The following CSMD1 variants were observed in gnomAD, a reference collection of about 807,000 sequenced individuals.
CSMD1 encodes CUB and Sushi multiple domains 1.
CSMD1 carries 213 observed loss-of-function variants against 417.5 expected under a neutral mutation model. The ratio of observed to expected loss-of-function variants is 0.51; its 90% CI spans 0.46 to 0.57. The LOEUF (loss-of-function observed/expected upper bound fraction) is 0.57. Among genes scored for constraint, CSMD1 ranks in the 20% least tolerant of loss-of-function variants. CSMD1 has a pLI of 0.00. For missense variants in CSMD1, 6,923 were observed against 4,529.7 expected (o/e 1.53, Z -15.17); for synonymous variants, 2,862 against 1,736.8 (o/e 1.65, Z -16.11).
At chr8:3,818,375 T>G (rs1801516401) in intron 5 of CSMD1, among the ~76,000 whole-genome samples, 1 of 152,112 alleles carries the variant, frequency 6.6e-6, no homozygotes. Flanking sequence ...TCTCCAAATG[T>G]TTACTCTTGG....
At position 3,297,147 on chromosome 8, in the gene CSMD1, T is replaced by G. The variant is rs76120178; in HGVS notation, c.3950+10548A>C. On this transcript the variant is annotated intron_variant, in intron 25 of 69. Coordinates refer to ENST00000635120, the MANE Select transcript of CSMD1 (RefSeq NM_033225.6). ...TGTGCAGGACTTTCACCCAGAAAAC[T>G]GCAAAACATCATTGAGACAAATCAT... 1.1e-3 allele frequency among the ~76,000 whole-genome samples: 174 copies of G among 152,248 alleles called. 1 individual carries two copies. Among genetic ancestry groups the G allele is most frequent in the African/African-American group, 4.1e-3 (169 of 41,562 alleles).
At chr8:4,642,139 G>A (rs1336429115) in intron 1 of CSMD1, among the ~76,000 whole-genome samples, 1 of 152,206 alleles carries the variant, frequency 6.6e-6, no homozygotes, top group Non-Finnish European at 1.5e-5. Context: ...TCTGCAAGAT[G>A]GGCAAGTGCT....
chr8:4,058,284 C>A (rs1798800934), intron 3 of CSMD1, among the ~76,000 whole-genome samples: 1 of 152,036 alleles, frequency 6.6e-6, no homozygotes, highest in Admixed American at 6.6e-5. Flanking sequence ...GTATTTTATT[C>A]TCTTTGAAGC....
intron 6 of CSMD1, among the ~76,000 whole-genome samples, chr8:3,714,474 G>C (rs1305631717): frequency 6.7e-6 from 1 of 149,354 alleles, no homozygotes; most frequent in East Asian, 2.0e-4. Context: ...TGTAATCCCA[G>C]CACTTTGGGA....
intron 3 of CSMD1, among the ~76,000 whole-genome samples, chr8:4,197,130 A>G (rs746116820): frequency 3.3e-5 from 5 of 152,204 alleles, no homozygotes; most frequent in Non-Finnish European, 5.9e-5. Flanking sequence ...AGCAGTTCCC[A>G]GACAAACTAC....
At chr8:3,929,111 G>C (rs1310318754) in intron 5 of CSMD1, among the ~76,000 whole-genome samples, 1 of 150,310 alleles carries the variant, frequency 6.7e-6, no homozygotes, top group African/African-American at 2.5e-5. Context: ...GAGGAGAGAT[G>C]AAACTCTGCA....
chr8:3,705,750 G>T (rs117887864), intron 7 of CSMD1, among the ~76,000 whole-genome samples: 5 of 152,156 alleles, frequency 3.3e-5, no homozygotes, highest in Admixed American at 3.3e-4. Flanking sequence ...TGTGTGCTTG[G>T]ATCTAATCTC....
intron 2 of CSMD1, among the ~76,000 whole-genome samples, chr8:4,443,276 C>T (rs545399447): frequency 7.9e-5 from 12 of 152,234 alleles, no homozygotes; most frequent in South Asian, 2.1e-4. Flanking sequence ...AATCAATCTT[C>T]GCCTAAGTTT....
intron 2 of CSMD1, among the ~76,000 whole-genome samples, chr8:4,508,573 C>G (rs182738314): frequency 3.3e-5 from 5 of 152,088 alleles, no homozygotes; most frequent in Admixed American, 3.3e-4. Context: ...CAAAGAGAAT[C>G]AGAATATGCC....
rs1563390150 is a variant in CSMD1, at chr8:3,439,154, C to CAAAAAAAAAAAAAAAAA, written c.1562-29550_1562-29549insTTTTTTTTTTTTTTTTT. Reference sequence around the variant, plus strand: ...AAAAAAAAAAAAAAAAAAAAAAAACCAAGAAAAAAAAAAGAAAAAGAAAAA... The same window carrying CAAAAAAAAAAAAAAAAA: ...AAAAAAAAAAAAAAAAAAAAAAAACCAAAAAAAAAAAAAAAAAAAGAAAAAAAAAAGAAAAAGAAAAA... On this transcript the variant is annotated intron_variant, in intron 12 of 69. Coordinates refer to ENST00000635120, the MANE Select transcript of CSMD1 (RefSeq NM_033225.6). Among the ~76,000 whole-genome samples the CAAAAAAAAAAAAAAAAA allele has an allele frequency of 5.1e-3, 136 of 26,572 alleles. 19 individuals are homozygous for CAAAAAAAAAAAAAAAAA. Among genetic ancestry groups the CAAAAAAAAAAAAAAAAA allele is most frequent in the East Asian group, 9.7e-3 (7 of 724 alleles). 17.4% of individuals were successfully genotyped at this position (26,572 alleles called of 152,430 possible). A position where few individuals can be genotyped will look rare whatever the true frequency, so the allele number is the denominator to read the frequency against.
At chr8:3,673,131 G>C (rs181849297) in intron 7 of CSMD1, among the ~76,000 whole-genome samples, 19 of 152,284 alleles carry the variant, frequency 1.2e-4, no homozygotes, top group African/African-American at 4.3e-4. Flanking sequence ...ATACAGAGTA[G>C]GAAGATATTA....
chr8:3,070,281 G>C (rs922137312), intron 49 of CSMD1, among the ~76,000 whole-genome samples: 4 of 152,336 alleles, frequency 2.6e-5, no homozygotes, highest in African/African-American at 7.2e-5. Flanking sequence ...CTGCTCCACA[G>C]CCTTCTTGAA....
At chr8:3,141,423 A>G (rs1818431303) in intron 41 of CSMD1, among the ~76,000 whole-genome samples, 1 of 152,192 alleles carries the variant, frequency 6.6e-6, no homozygotes, top group Non-Finnish European at 1.5e-5. Flanking sequence ...AAAATTGATC[A>G]TGGCCCTTTC....
chr8:3,398,938 C>T (rs1216018786), intron 16 of CSMD1, among the ~76,000 whole-genome samples: 4 of 152,188 alleles, frequency 2.6e-5, no homozygotes, highest in South Asian at 2.1e-4. Context: ...GATTGATCTG[C>T]TGTCCGCACC....
chr8:2,981,072 A>C (rs1371688615), intron 54 of CSMD1, among the ~76,000 whole-genome samples: 1 of 152,160 alleles, frequency 6.6e-6, no homozygotes, highest in African/African-American at 2.4e-5. Context: ...TTTAATTCTG[A>C]GGCTCCAATA....
At chr8:4,933,739 A>AGTG (rs1255259647) in intron 1 of CSMD1, among the ~76,000 whole-genome samples, 6 of 152,198 alleles carry the variant, frequency 3.9e-5, no homozygotes, top group African/African-American at 7.2e-5. Flanking sequence ...GTGAAAAGAT[A>AGTG]TACTAACTTA....
chr8:3,801,602 A>G (rs965324203), intron 5 of CSMD1, among the ~76,000 whole-genome samples: 6 of 151,464 alleles, frequency 4.0e-5, no homozygotes, highest in African/African-American at 1.5e-4. Flanking sequence ...CCCTGTGAGT[A>G]AAGAATTCCA....
intron 3 of CSMD1, among the ~76,000 whole-genome samples, chr8:4,302,573 A>G (rs4875314): frequency 1.3e-5 from 2 of 152,118 alleles, no homozygotes; most frequent in Admixed American, 6.6e-5. Flanking sequence ...CTCTCTCTCA[A>G]CCCTATACGA....
Position 4,695,931 on chromosome 8 carries a change from G to A in CSMD1, c.86-58373C>T, listed in dbSNP as rs529893123. ...TTAATAACATTTAAAATTACCATAG[G>A]ATCTACATGAAAGCCGGCTGTGGTT... On this transcript the variant is annotated intron_variant, in intron 1 of 69. Transcript: ENST00000635120. Among the ~76,000 whole-genome samples, 11 of 152,264 alleles carry A rather than the reference G, an allele frequency of 7.2e-5. No individual in the cohort carries two copies. The South Asian group carries it at 2.1e-3, about 29-fold the overall frequency.
Sources: gnomAD v4.1 joint callset for allele counts (sites outside exome capture counted in the v4.1 genomes callset) on GRCh38, gnomAD v4.1.1 for gene constraint, MANE v1.5 for transcripts, NCBI Gene and HGNC (gene_info 2026-07-23, HGNC 2026-07-21) for gene names.